RNLS: variants seen among roughly 807,000 people sequenced by gnomAD.
The protein encoded by RNLS is renalase, FAD dependent amine oxidase, also known as renalase.
A neutral mutation model predicts 39.8 loss-of-function variants in RNLS; 39 were observed. That is an observed-to-expected ratio of 0.98 (90% CI 0.76 to 1.28). RNLS has a LOEUF of 1.28. Ranked by LOEUF, RNLS falls within the 50% of genes most tolerant of loss-of-function variation. RNLS has a pLI of 0.00. For synonymous variants in RNLS, 147 were observed against 150.7 expected (o/e 0.98, Z 0.18); for missense variants, 410 against 413.3 (o/e 0.99, Z 0.07).
intron 3 of RNLS, among the ~76,000 whole-genome samples, chr10:88,581,290 G>GTATATATATATATA (rs879726063): frequency 1.5e-5 from 2 of 135,486 alleles, no homozygotes; most frequent in African/African-American, 5.9e-5. Flanking sequence ...ATGTGTGTGT[G>GTATATATATATATA]TGTGTATATA....
intron 4 of RNLS, among the ~76,000 whole-genome samples, chr10:88,375,743 G>A (rs1043364945): frequency 2.6e-5 from 4 of 152,110 alleles, no homozygotes; most frequent in Admixed American, 6.6e-5. Flanking sequence ...CTTCCCTTCA[G>A]TCTGCTAGGT....
rs142935115 is a variant in RNLS at position 88,423,127 on chromosome 10, T to C, written c.527-60402A>G. On this transcript the variant is annotated intron_variant, in intron 4 of 6. Coordinates refer to ENST00000331772, the MANE Select transcript of RNLS (RefSeq NM_001031709.3). ...AAATCCAAAAATCACTGAATACTAG[T>C]TCTGTTTTAAGGTAAGGCATTCTAT... Among the ~76,000 whole-genome samples, 544 of 152,322 alleles carry C rather than the reference T, an allele frequency of 3.6e-3. 3 individuals are homozygous for C. The highest frequency in any genetic ancestry group is 0.012 in the African/African-American group (518 of 41,556).
intron 5 of RNLS, among the ~76,000 whole-genome samples, chr10:88,326,408 T>C (rs543563439): frequency 2.0e-5 from 3 of 152,360 alleles, no homozygotes; most frequent in African/African-American, 7.2e-5. Flanking sequence ...CTTGCCATGC[T>C]TTAGCAAAGA....
chr10:88,328,779 A>G (rs1218444554), intron 5 of RNLS, among the ~76,000 whole-genome samples: 6 of 151,990 alleles, frequency 3.9e-5, no homozygotes, highest in Non-Finnish European at 7.4e-5. Context: ...TCTATCTTAT[A>G]CAGTTAATGT....
intron 4 of RNLS, among the ~76,000 whole-genome samples, chr10:88,440,908 A>G (rs1256352323): frequency 1.3e-5 from 2 of 152,186 alleles, no homozygotes; most frequent in African/African-American, 4.8e-5. Flanking sequence ...AAACAAATTC[A>G]GGTTCTGTTC....
At chr10:88,287,261 G>T (rs2132632655) in intron 6 of RNLS, among the ~76,000 whole-genome samples, 1 of 152,224 alleles carries the variant, frequency 6.6e-6, no homozygotes, top group South Asian at 2.1e-4. Context: ...AATATTAAGA[G>T]TATCCTCTCA....
chr10:88,228,420 C>A, the RNLS span, among the ~76,000 whole-genome samples: 4 of 152,182 alleles, frequency 2.6e-5, no homozygotes, highest in South Asian at 6.2e-4. Flanking sequence ...CTTTTCCCTG[C>A]CTCAGTCCAG....
chr10:88,203,398 ATATATATATATATACACGTATGTG>A, the RNLS span, among the ~76,000 whole-genome samples: 8 of 9,368 alleles, frequency 8.5e-4, 4 homozygotes, highest in African/African-American at 4.3e-3. Context: ...ACGTATGTGT[ATATATATATATATACACGTATGTG>A]TATATATATA....
chr10:88,250,682 T>G, the RNLS span, among the ~76,000 whole-genome samples: 1 of 152,198 alleles, frequency 6.6e-6, no homozygotes, highest in African/African-American at 2.4e-5. Flanking sequence ...TTTAAAAACT[T>G]TGTGTGGACC....
At chr10:88,297,181 G>A (rs950323013) in intron 6 of RNLS, among the ~76,000 whole-genome samples, 2 of 152,074 alleles carry the variant, frequency 1.3e-5, no homozygotes, top group Non-Finnish European at 2.9e-5. Context: ...GCTGGGTCAC[G>A]TGGTAAGTGC....
chr10:88,581,748 A>G (rs1181213674), intron 2 of RNLS, 39 bp from the exon 3 acceptor site: 5 of 1,349,504 alleles, frequency 3.7e-6, no homozygotes, highest in Non-Finnish European at 5.0e-6. Flanking sequence ...GTAATTATAT[A>G]CCATGAATAG....
intron 4 of RNLS, among the ~76,000 whole-genome samples, chr10:88,491,572 A>G (rs1236406778): frequency 1.3e-5 from 2 of 152,182 alleles, no homozygotes; most frequent in African/African-American, 4.8e-5. Context: ...TGTCTCTTGA[A>G]TATGTAAAAG....
At chr10:88,476,463 A>AT (rs2133998802) in intron 4 of RNLS, among the ~76,000 whole-genome samples, 1 of 152,270 alleles carries the variant, frequency 6.6e-6, no homozygotes, top group South Asian at 2.1e-4. Context: ...CATGCTGTAT[A>AT]CCCTTTAATC....
intron 4 of RNLS, among the ~76,000 whole-genome samples, chr10:88,482,095 C>A (rs1186900272): frequency 6.6e-6 from 1 of 152,070 alleles, no homozygotes; most frequent in Admixed American, 6.6e-5. Context: ...TTTTCTTTGG[C>A]TCTCAACAGT....
intron 4 of RNLS, among the ~76,000 whole-genome samples, chr10:88,402,986 T>A (rs187645613): frequency 1.3e-5 from 2 of 152,158 alleles, no homozygotes; most frequent in Admixed American, 6.6e-5. Context: ...TAAAGTAGTC[T>A]CTCACGGCCC....
intron 4 of RNLS, among the ~76,000 whole-genome samples, chr10:88,528,107 A>G (rs1035653166): frequency 2.6e-5 from 4 of 152,096 alleles, no homozygotes; most frequent in African/African-American, 9.6e-5. Flanking sequence ...AAGGATATAC[A>G]TATATGCATA....
rs562097430 is a variant in RNLS at position 88,420,802 on chromosome 10, G to A, written c.527-58077C>T. ...CTACAATAGCAGTTTGAGTTTAGGC[G>A]CTAATGCTATGTTTGAATTATAAGG... On this transcript the variant is annotated intron_variant, in intron 4 of 6. Transcript: ENST00000331772. Among the ~76,000 whole-genome samples the A allele has an allele frequency of 3.9e-5, 6 of 152,318 alleles. No homozygotes were observed. In the South Asian group the frequency reaches 1.2e-3, roughly 32 times the overall value.
intron 5 of RNLS, among the ~76,000 whole-genome samples, chr10:88,334,343 T>TTGG (rs1847330560): frequency 6.6e-6 from 1 of 152,252 alleles, no homozygotes; most frequent in Non-Finnish European, 1.5e-5. Flanking sequence ...TGTAAACTCT[T>TTGG]TCCCAAAGAT....
intron 4 of RNLS, among the ~76,000 whole-genome samples, chr10:88,424,790 AC>A (rs1854630264): frequency 6.6e-6 from 1 of 152,084 alleles, no homozygotes; most frequent in Non-Finnish European, 1.5e-5. Flanking sequence ...AATGCATAGG[AC>A]CCGAGCTGTT....
Sources: gnomAD v4.1 joint callset for allele counts (sites outside exome capture counted in the v4.1 genomes callset) on GRCh38, gnomAD v4.1.1 for gene constraint, MANE v1.5 for transcripts, NCBI Gene and HGNC (gene_info 2026-07-23, HGNC 2026-07-21) for gene names.